Variants in PTPN4 observed in about 807,000 individuals in gnomAD.
PTPN4 encodes tyrosine-protein phosphatase non-receptor type 4.
A neutral mutation model predicts 135.5 loss-of-function variants in PTPN4; 49 were observed. That is an observed-to-expected ratio of 0.36 (90% confidence interval 0.29 to 0.46). PTPN4 has a LOEUF of 0.46. Ranked by LOEUF, PTPN4 falls within the 20% of genes least tolerant of loss-of-function variation. The pLI is 1.00. For missense variants in PTPN4, 860 were observed against 1,101.0 expected, an observed-to-expected ratio of 0.78 and a Z score of 3.10; for synonymous variants, 333 against 369.9, an observed-to-expected ratio of 0.90 and a Z score of 1.14.
At chr2:119,846,838 C>A (rs937147349) in intron 2 of PTPN4, among the ~76,000 whole-genome samples, 3 of 135,420 alleles carry the variant, frequency 2.2e-5, no homozygotes, top group Non-Finnish European at 4.4e-5. Flanking sequence ...CTTATAATAA[C>A]TTAATTACAG....
At chr2:119,924,777 AT>A (rs979379048) in intron 12 of PTPN4, among the ~76,000 whole-genome samples, 7 of 152,132 alleles carry the variant, frequency 4.6e-5, no homozygotes, top group Admixed American at 2.0e-4. Context: ...GAGTAATAGT[AT>A]CCCATTTGAA....
intron 2 of PTPN4, among the ~76,000 whole-genome samples, chr2:119,820,315 G>A (rs564354811): frequency 1.9e-4 from 29 of 152,298 alleles, no homozygotes; most frequent in African/African-American, 6.7e-4. Flanking sequence ...TGTTCTTTGG[G>A]AAAGGATGTA....
chr2:119,851,741 T>C (rs1327608734), intron 2 of PTPN4, among the ~76,000 whole-genome samples: 1 of 152,218 alleles, frequency 6.6e-6, no homozygotes, highest in Non-Finnish European at 1.5e-5. Flanking sequence ...GGGGCCTGCA[T>C]TCAATTAACA....
chr2:119,798,988 G>C (rs1386393098), intron 1 of PTPN4, among the ~76,000 whole-genome samples: 1 of 152,166 alleles, frequency 6.6e-6, no homozygotes, highest in Non-Finnish European at 1.5e-5. Flanking sequence ...TGTATTGTTT[G>C]ATGGCTACTC....
intron 18 of PTPN4, among the ~76,000 whole-genome samples, chr2:119,948,018 G>T (rs905943032): frequency 6.6e-6 from 1 of 152,094 alleles, no homozygotes; most frequent in South Asian, 2.1e-4. Flanking sequence ...AAAAAAGTCC[G>T]TTGTGACTGG....
chr2:119,872,269 G>A (rs1231282688), intron 3 of PTPN4, among the ~76,000 whole-genome samples: 2 of 151,686 alleles, frequency 1.3e-5, no homozygotes, highest in Admixed American at 6.6e-5. Context: ...ACTTTATTTG[G>A]GAGATGCTCT....
chr2:119,798,462 C>T (rs1347584661), intron 1 of PTPN4, among the ~76,000 whole-genome samples: 5 of 152,100 alleles, frequency 3.3e-5, no homozygotes, highest in Non-Finnish European at 5.9e-5. Context: ...CCACCATGCG[C>T]GGCCAACTGC....
At chr2:119,948,235 A>G (rs1425979339) in intron 18 of PTPN4, among the ~76,000 whole-genome samples, 2 of 152,148 alleles carry the variant, frequency 1.3e-5, no homozygotes, top group African/African-American at 2.4e-5. Context: ...TTAATAGATA[A>G]TATCTAAAAC....
At chr2:119,866,483 T>C (rs1677837269) in intron 3 of PTPN4, among the ~76,000 whole-genome samples, 1 of 152,094 alleles carries the variant, frequency 6.6e-6, no homozygotes, top group South Asian at 2.1e-4. Context: ...CTGGGACCTA[T>C]GCCTAGAGAT....
At chr2:119,818,441 G>A (rs903862734) in intron 2 of PTPN4, among the ~76,000 whole-genome samples, 2 of 152,140 alleles carry the variant, frequency 1.3e-5, no homozygotes, top group African/African-American at 4.8e-5. Context: ...AGCTAAGAAT[G>A]GTTTTTTACA....
In PTPN4 at chr2:119,844,373, G is replaced by A. The variant is rs1490964445; in HGVS notation, c.139-18163G>A. ...GACCCCCCCCCCCCACCTCCCTCCC[G>A]GACGGGGTGGCTGCCGGGCGGAGAC... On this transcript the variant is annotated intron_variant, in intron 2 of 26. Transcript: ENST00000263708. Among the ~76,000 whole-genome samples, 5 of 145,990 alleles carry A rather than the reference G, an allele frequency of 3.4e-5. No individual in the cohort carries two copies. The South Asian group carries it at 9.0e-4, about 26-fold the overall frequency.
intron 3 of PTPN4, among the ~76,000 whole-genome samples, chr2:119,874,846 G>T (rs1463718725): frequency 6.6e-6 from 1 of 152,076 alleles, no homozygotes; most frequent in Non-Finnish European, 1.5e-5. Flanking sequence ...GATAAATTTT[G>T]CCAAGTTATC....
At chr2:119,972,739 T>G (rs1232562798) in intron 26 of PTPN4, among the ~76,000 whole-genome samples, 1 of 152,112 alleles carries the variant, frequency 6.6e-6, no homozygotes, top group Non-Finnish European at 1.5e-5. Flanking sequence ...CTTTGTTACT[T>G]GTTCATTGAG....
At chr2:119,930,202 T>G (rs1678884833) in intron 13 of PTPN4, among the ~76,000 whole-genome samples, 1 of 152,172 alleles carries the variant, frequency 6.6e-6, no homozygotes, top group African/African-American at 2.4e-5. Context: ...CTAAATTACT[T>G]TGAATTCACT....
chr2:119,846,648 C>G (rs1677503052), intron 2 of PTPN4, among the ~76,000 whole-genome samples: 1 of 151,372 alleles, frequency 6.6e-6, no homozygotes. Context: ...TATATTTGTA[C>G]TATTTTACTT....
Position 119,920,034 on chromosome 2 carries a change from T to TCC in PTPN4, c.829-34_829-33dup, listed in dbSNP as rs774328186. ...AATGGAGCATTAGATCCTGACATTT[T>TCC]CCTGGTATTCTCTGCATTTTGTCAT... On this transcript the variant is annotated intron_variant, in intron 11 of 26. Coordinates refer to ENST00000263708, the MANE Select transcript of PTPN4 (RefSeq NM_002830.4). The TCC allele has an allele frequency of 3.2e-6, 5 of 1,569,670 alleles. No individual in the cohort carries two copies. In the South Asian group the frequency reaches 4.9e-5, roughly 15 times the overall value.
At chr2:119,968,724 G>A (rs1250827798) in intron 26 of PTPN4, among the ~76,000 whole-genome samples, 1 of 152,082 alleles carries the variant, frequency 6.6e-6, no homozygotes, top group African/African-American at 2.4e-5. Flanking sequence ...CCCGGGAGGC[G>A]GAGCTTGCAG....
intron 10 of PTPN4, among the ~76,000 whole-genome samples, chr2:119,914,946 G>C (rs574865588): frequency 1.3e-5 from 2 of 152,176 alleles, no homozygotes; most frequent in Middle Eastern, 6.8e-3. Flanking sequence ...TTTAATTTGT[G>C]ACATCTGTTT....
At position 119,847,328 on chromosome 2, in the gene PTPN4, A is replaced by ATATT. The variant is rs1257711116; in HGVS notation, c.139-15207_139-15206insATTT. ...CACACACACACACATATATATATATATTTTTTTTTTTTTTTTGAGACAGAG... is the reference window on the plus strand; with the variant it reads ...CACACACACACACATATATATATATATATTTTTTTTTTTTTTTTTTGAGACAGAG... On this transcript the variant is annotated intron_variant, in intron 2 of 26. Coordinates refer to ENST00000263708, the MANE Select transcript of PTPN4 (RefSeq NM_002830.4). 8.1e-3 allele frequency among the ~76,000 whole-genome samples: 835 copies of ATATT among 102,684 alleles called. 24 individuals carry two copies. Among genetic ancestry groups the ATATT allele is most frequent in the African/African-American group, 0.02 (460 of 22,886 alleles). 67.4% of individuals were successfully genotyped at this position (102,684 alleles called of 152,430 possible). A position where few individuals can be genotyped will look rare whatever the true frequency, so the allele number is the denominator to read the frequency against.
Sources: gnomAD v4.1 joint callset for allele counts (sites outside exome capture counted in the v4.1 genomes callset) on GRCh38, gnomAD v4.1.1 for gene constraint, MANE v1.5 for transcripts, NCBI Gene and HGNC (gene_info 2026-07-23, HGNC 2026-07-21) for gene names.